The following DDX3X variants were observed in gnomAD, a reference collection of about 807,000 sequenced individuals.
DDX3X encodes the protein DEAD-box helicase 3 X-linked, also known as ATP-dependent RNA helicase DDX3X.
DDX3X carries 4 observed loss-of-function variants against 52.7 expected under a neutral mutation model. The observed-to-expected ratio is 0.08, with a 90% CI of 0.04 to 0.17. DDX3X has a LOEUF of 0.17. Among genes scored for constraint, DDX3X ranks in the 10% least tolerant of loss-of-function variants. DDX3X has a pLI of 1.00. For synonymous variants in DDX3X, 192 were observed against 178.1 expected (o/e 1.08, Z -0.62); for missense variants, 222 against 548.6 (o/e 0.40, Z 5.95).
At chrX:41,346,682 A>G in intron 14 of DDX3X, 60 bp downstream of exon 14, 3 of 993,323 alleles carry the variant, frequency 3.0e-6, no homozygotes, top group Non-Finnish European at 4.2e-6. Context: ...GCAGGAAAGA[A>G]CTTGCTAGGA....
rs1439722700 is a variant in DDX3X, at chrX:41,349,416, T to G, written c.*1697T>G. On this transcript the variant is annotated 3_prime_UTR_variant, in exon 17 of 17. Transcript: ENST00000644876. ...CTAGGAAGGGGATGGGACTAGATTC[T>G]AAAATTTATTTGGGACCATGGGAAT... 8.9e-6 allele frequency: 1 copy of G among 112,231 alleles called. No individual in the cohort carries two copies. Among genetic ancestry groups the G allele is most frequent in the Non-Finnish European group, 1.9e-5 (1 of 53,273 alleles). The allele number at this position is 112,231 out of a possible 1,213,427, so 9.2% of individuals were successfully genotyped here.
chrX:41,344,841 G>A lies in DDX3X; in HGVS notation c.1026-339G>A, dbSNP rs528678436. 9.8e-5 allele frequency among the ~76,000 whole-genome samples: 11 copies of A among 112,085 alleles called. No individual in the cohort carries two copies. The South Asian group carries it at 3.3e-3, about 34-fold the overall frequency. ...CTAAATGTTAAGGCTGAGAAGTGAT[G>A]TATTTCAGACATCTAACTTTCACAA... On this transcript the variant is annotated intron_variant, in intron 10 of 16. Coordinates refer to ENST00000644876, the MANE Select transcript of DDX3X (RefSeq NM_001356.5).
rs541309858 is a variant in DDX3X, at chrX:41,357,584, C to A, written c.655-6690C>A. On this transcript the variant is annotated intron_variant, in intron 5 of 5. Coordinates refer to the DDX3X transcript ENST00000616050. ...AGCTGGGACTACAGGCACACACCAC[C>A]ACACCTGGCTAATTTTTGTATTTTT... Among the ~76,000 whole-genome samples, 5 of 110,982 alleles carry A rather than the reference C, an allele frequency of 4.5e-5. No individual in the cohort carries two copies. The South Asian group carries it at 1.9e-3, about 42-fold the overall frequency.
chrX:41,352,780 T>C (rs1186060587), downstream of DDX3X, among the ~76,000 whole-genome samples: 1 of 111,209 alleles, frequency 9.0e-6, no homozygotes, highest in Non-Finnish European at 1.9e-5. Context: ...TTTTGGTTTT[T>C]GCTTGTGTTT....
chrX:41,343,872 A>G (rs373772470), intron 8 of DDX3X, 50 bp downstream of exon 8: 9 of 1,070,080 alleles, frequency 8.4e-6, no homozygotes, highest in Non-Finnish European at 1.2e-5. Flanking sequence ...GTAGGTGGCC[A>G]TTGAGAGGGC....
Position 41,345,110 on chromosome X carries a change from C to G in DDX3X, c.1026-70C>G, listed in dbSNP as rs1483123459. 1.4e-5 allele frequency: 14 copies of G among 1,007,276 alleles called. No homozygotes were observed. In the East Asian group the frequency reaches 4.3e-4, roughly 31 times the overall value. The allele number at this position is 1,007,276 out of a possible 1,213,427, so 83.0% of individuals were successfully genotyped here. A position where few individuals can be genotyped will look rare whatever the true frequency, so the allele number is the denominator to read the frequency against. Reference sequence around the variant, plus strand: ...ATTGTATTTGTAATTATACTAACAGCCATACTAAAACCATGTTGATTTCTC... The same window carrying G: ...ATTGTATTTGTAATTATACTAACAGGCATACTAAAACCATGTTGATTTCTC... On this transcript the variant is annotated intron_variant, in intron 10 of 16. Transcript: ENST00000644876.
At chrX:41,346,174 T>C in intron 12 of DDX3X, 55 bp from the exon 13 acceptor site, 1 of 1,057,266 alleles carries the variant, frequency 9.5e-7, no homozygotes, top group Admixed American at 2.7e-5. Context: ...CATACATAAG[T>C]GCAAAGAGAA....
At position 41,341,584 on chromosome X, in the gene DDX3X, C is replaced by T. The variant is rs776494156; in HGVS notation, c.252C>T (p.Phe84=). Residue 84 remains phenylalanine, a synonymous_variant, in exon 4 of 17, where the codon TTC becomes TTT. Coordinates refer to ENST00000644876, the MANE Select transcript of DDX3X (RefSeq NM_001356.5). ...SRSDSRGKSS[F]FSDRGSGSRG... ...GTGATTCAAGAGGGAAGTCTAGCTTCTTCAGTGATCGTGGAAGTGGATCAA... is the reference window on the plus strand; with the variant it reads ...GTGATTCAAGAGGGAAGTCTAGCTTTTTCAGTGATCGTGGAAGTGGATCAA... 29 of 1,209,320 alleles carry T rather than the reference C, an allele frequency of 2.4e-5. 1 individual carries two copies. The highest frequency in any genetic ancestry group is 3.1e-5 in the Non-Finnish European group (28 of 894,714).
downstream of DDX3X, among the ~76,000 whole-genome samples, chrX:41,355,022 T>C (rs905236889): frequency 2.7e-5 from 3 of 111,032 alleles, no homozygotes; most frequent in African/African-American, 9.8e-5. Context: ...GGTTTCACCA[T>C]GTTGGCCAGG....
upstream of DDX3X, chrX:41,333,714 A>G (rs191196008): frequency 1.8e-5 from 2 of 111,524 alleles, no homozygotes; most frequent in African/African-American, 6.6e-5. Flanking sequence ...GTGTTAGGAA[A>G]AAAAAAACAA....
At position 41,341,628 on chromosome X, in the gene DDX3X, C is replaced by T; in HGVS notation, c.284+12C>T. 1 of 1,201,052 alleles carries T rather than the reference C, an allele frequency of 8.3e-7. No homozygotes were observed. On this transcript the variant is annotated intron_variant, in intron 4 of 16. Coordinates refer to ENST00000644876, the MANE Select transcript of DDX3X (RefSeq NM_001356.5). Reference sequence around the variant, plus strand: ...GGATCAAGGGGAAGGTAAGTGATTTCTTAATCACCTTACGTGTATGTATAA... The same window carrying T: ...GGATCAAGGGGAAGGTAAGTGATTTTTTAATCACCTTACGTGTATGTATAA...
intron 5 of DDX3X, among the ~76,000 whole-genome samples, chrX:41,361,665 C>T (rs1431227422): frequency 1.8e-5 from 2 of 111,413 alleles, no homozygotes; most frequent in African/African-American, 6.5e-5. Flanking sequence ...CCACTTTGGC[C>T]TCTCATGCCT....
At chrX:41,364,394 A>ACCCGTGCCCAG (rs1286324443) in exon 6 of DDX3X, 84 of 295,401 alleles carry the variant, frequency 2.8e-4, no homozygotes, top group African/African-American at 2.2e-3. Context: ...ACATGGTGAC[A>ACCCGTGCCCAG]CCCGTGCCCA....
At chrX:41,355,284 T>G (rs946972858) in intron 5 of DDX3X, among the ~76,000 whole-genome samples, 2 of 111,526 alleles carry the variant, frequency 1.8e-5, no homozygotes, top group African/African-American at 3.3e-5. Flanking sequence ...TAGACATAAG[T>G]TTTCATTTAT....
intron 5 of DDX3X, chrX:41,357,959 C>A (rs2064015474): frequency 1.4e-5 from 4 of 293,035 alleles, no homozygotes; most frequent in Non-Finnish European, 2.4e-5. Flanking sequence ...ACCGACCAAC[C>A]CTCCTGATGA....
At chrX:41,354,896 G>A (rs752302751), downstream of DDX3X, among the ~76,000 whole-genome samples, 2 of 109,246 alleles carry the variant, frequency 1.8e-5, no homozygotes, top group Non-Finnish European at 3.8e-5. Flanking sequence ...GCAGTGGTGC[G>A]ATCTCGGCTC....
At chrX:41,351,572 A>C (rs1408349578), downstream of DDX3X, 1 of 111,518 alleles carries the variant, frequency 9.0e-6, no homozygotes, top group African/African-American at 3.3e-5. Flanking sequence ...ATACCTACTT[A>C]TTGTAGGTAC....
downstream of DDX3X, chrX:41,350,919 A>G (rs2063980251): frequency 8.9e-6 from 1 of 111,938 alleles, no homozygotes; most frequent in Non-Finnish European, 1.9e-5. Context: ...CAGTAAGTTG[A>G]AGGTTTGCAG....
chrX:41,351,306 T>C (rs1261386787), downstream of DDX3X: 1 of 112,388 alleles, frequency 8.9e-6, no homozygotes. Flanking sequence ...TATGTTTACA[T>C]ACTACATTAA....
Sources: gnomAD v4.1 joint callset for allele counts (sites outside exome capture counted in the v4.1 genomes callset) on GRCh38, gnomAD v4.1.1 for gene constraint, MANE v1.5 for transcripts, NCBI Gene and HGNC (gene_info 2026-07-23, HGNC 2026-07-21) for gene names.